The following ATXN3 variants were observed in gnomAD, a reference collection of about 807,000 sequenced individuals.
ATXN3 encodes ataxin 3.
A neutral mutation model predicts 58.2 loss-of-function variants in ATXN3; 28 were observed. That is an observed-to-expected ratio of 0.48 (90% CI 0.36 to 0.66). The LOEUF (loss-of-function observed/expected upper bound fraction) is 0.66. ATXN3 is among the 30% of genes least tolerant of loss of function. The pLI is 0.00. For synonymous variants in ATXN3, 113 were observed against 138.5 expected, an observed-to-expected ratio of 0.82 and a Z score of 1.29; for missense variants, 321 against 422.1, an observed-to-expected ratio of 0.76 and a Z score of 2.10.
chr14:92,062,080 A>T lies in ATXN3; in HGVS notation c.*2240T>A, dbSNP rs1302206270. ...AGACCAGCCTGGCCAAACATGATGAAACCGCGTCTCTACCAAAAATACAAA... is the reference window on the plus strand; with the variant it reads ...AGACCAGCCTGGCCAAACATGATGATACCGCGTCTCTACCAAAAATACAAA... On this transcript the variant is annotated 3_prime_UTR_variant, in exon 11 of 11. Transcript: ENST00000644486. The T allele has an allele frequency of 1.3e-5, 2 of 152,238 alleles. No individual in the cohort carries two copies. The highest frequency in any genetic ancestry group is 2.9e-5 in the Non-Finnish European group (2 of 68,112). The allele number at this position is 152,238 out of a possible 1,614,324, so 9.4% of individuals were successfully genotyped here.
intron 1 of ATXN3, among the ~76,000 whole-genome samples, chr14:92,048,515 A>G (rs1365745931): frequency 6.6e-6 from 1 of 152,250 alleles, no homozygotes; most frequent in Non-Finnish European, 1.5e-5. Context: ...GTTGTTGCCA[A>G]ACAGGCCATG....
intron 10 of ATXN3, among the ~76,000 whole-genome samples, chr14:92,067,309 G>A (rs2058623754): frequency 6.6e-6 from 1 of 152,150 alleles, no homozygotes; most frequent in South Asian, 2.1e-4. Context: ...CAATCTGTAG[G>A]TTTCTGACTT....
intron 9 of ATXN3, chr14:92,080,490 T>C (rs997099883): frequency 3.9e-5 from 6 of 152,982 alleles, no homozygotes; most frequent in African/African-American, 1.4e-4. Context: ...CAAGGTTTTT[T>C]TGTTTCATGT....
chr14:92,098,362 T>C (rs936332707), intron 1 of ATXN3, among the ~76,000 whole-genome samples: 1 of 152,034 alleles, frequency 6.6e-6, no homozygotes, highest in South Asian at 2.1e-4. Flanking sequence ...CCGAGGTGGG[T>C]GGACTGCTTG....
At chr14:92,081,325 T>C (rs577557193) in intron 8 of ATXN3, among the ~76,000 whole-genome samples, 60 of 150,468 alleles carry the variant, frequency 4.0e-4, no homozygotes, top group Non-Finnish European at 8.3e-4. Flanking sequence ...TACAAAAAAT[T>C]AGCTGGGCGT....
chr14:92,056,172 C>A (rs2057464390), downstream of ATXN3, among the ~76,000 whole-genome samples: 1 of 152,154 alleles, frequency 6.6e-6, no homozygotes, highest in African/African-American at 2.4e-5. Flanking sequence ...CGAGCCTTAG[C>A]AGGACTCTGG....
At chr14:92,105,609 C>T (rs1236510699) in intron 1 of ATXN3, among the ~76,000 whole-genome samples, 4 of 152,194 alleles carry the variant, frequency 2.6e-5, no homozygotes, top group African/African-American at 9.6e-5. Flanking sequence ...TCTTTCCAAA[C>T]ACGAAACTAT....
upstream of ATXN3, among the ~76,000 whole-genome samples, chr14:92,051,946 C>T (rs141169623): frequency 4.6e-3 from 696 of 150,884 alleles, 11 homozygotes; most frequent in South Asian, 0.036. Context: ...AGGCTGGTCT[C>T]GAACTCCTGA....
intron 2 of ATXN3, among the ~76,000 whole-genome samples, chr14:92,045,651 T>A (rs138300969): frequency 0.036 from 5,526 of 151,932 alleles, 286 homozygotes; most frequent in African/African-American, 0.12. Flanking sequence ...TAGATTTCCA[T>A]GATGGAAAGG....
At chr14:92,067,949 C>T (rs2058736023) in intron 10 of ATXN3, among the ~76,000 whole-genome samples, 1 of 152,188 alleles carries the variant, frequency 6.6e-6, no homozygotes, top group African/African-American at 2.4e-5. Flanking sequence ...CCTCCACTGA[C>T]ATCTCTCTGA....
intron 1 of ATXN3, among the ~76,000 whole-genome samples, chr14:92,102,267 G>A (rs2141291872): frequency 6.7e-6 from 1 of 149,294 alleles, no homozygotes; most frequent in South Asian, 2.1e-4. Context: ...AAGGAAGAAA[G>A]GAAGAAAGGA....
At chr14:92,051,439 C>G (rs1343363334), upstream of ATXN3, among the ~76,000 whole-genome samples, 1 of 152,006 alleles carries the variant, frequency 6.6e-6, no homozygotes, top group African/African-American at 2.4e-5. Context: ...ACCCAGGACT[C>G]TGTTTTCCTG....
At chr14:92,044,881 G>A (rs1292673980) in exon 3 of ATXN3, 2 of 152,138 alleles carry the variant, frequency 1.3e-5, no homozygotes, top group African/African-American at 4.8e-5. Context: ...CCAGTCCATC[G>A]AGGTTGTAGA....
At chr14:92,088,483 T>C (rs76413672) in intron 6 of ATXN3, among the ~76,000 whole-genome samples, 473 of 152,206 alleles carry the variant, frequency 3.1e-3, no homozygotes, top group Non-Finnish European at 5.2e-3. Flanking sequence ...ATGTGATGTA[T>C]AAAAGAAAAA....
chr14:92,100,532 G>A (rs1267817999), intron 1 of ATXN3, among the ~76,000 whole-genome samples: 1 of 151,922 alleles, frequency 6.6e-6, no homozygotes, highest in Non-Finnish European at 1.5e-5. Flanking sequence ...TACAACAGTA[G>A]TTAATTAACA....
chr14:92,084,682 C>T (rs944380851), intron 6 of ATXN3, among the ~76,000 whole-genome samples: 1 of 151,620 alleles, frequency 6.6e-6, no homozygotes, highest in East Asian at 1.9e-4. Context: ...GAGGTTCAAG[C>T]GATTCTCCTG....
chr14:92,046,447 G>T (rs1458778704), intron 2 of ATXN3: 1 of 152,254 alleles, frequency 6.6e-6, no homozygotes, highest in African/African-American at 2.4e-5. Context: ...GTGGGGGCTA[G>T]CCTAAAACAG....
rs2057576539 is a variant in ATXN3, at chr14:92,059,203, G to T, written c.*5117C>A. On this transcript the variant is annotated 3_prime_UTR_variant, in exon 11 of 11. Coordinates refer to ENST00000644486, the MANE Select transcript of ATXN3 (RefSeq NM_004993.6). ...ACTTGGAAAAAATAATAATAGCAAA[G>T]ATTTTCTTCAAATTAAAAAACAAAA... 1 of 152,004 alleles carries T rather than the reference G, an allele frequency of 6.6e-6. No homozygotes were observed. Among genetic ancestry groups the T allele is most frequent in the South Asian group, 2.1e-4 (1 of 4,830 alleles). The allele number at this position is 152,004 out of a possible 1,614,324, so 9.4% of individuals were successfully genotyped here.
rs55702425 is a variant in ATXN3, at chr14:92,089,777, C to A, written c.388-960G>T. Among the ~76,000 whole-genome samples the A allele has an allele frequency of 2.1e-4, 32 of 152,184 alleles. No homozygotes were observed. The East Asian group carries it at 5.8e-3, about 28-fold the overall frequency. On this transcript the variant is annotated intron_variant, in intron 5 of 10. Transcript: ENST00000644486. ...TTAAATCTTTTTTCAAAATATCAGT[C>A]CAACATAACTCCAATCATATCTATC...
Sources: gnomAD v4.1 joint callset for allele counts (sites outside exome capture counted in the v4.1 genomes callset) on GRCh38, gnomAD v4.1.1 for gene constraint, MANE v1.5 for transcripts, NCBI Gene and HGNC (gene_info 2026-07-23, HGNC 2026-07-21) for gene names.